Variants in DAB1 observed in about 807,000 individuals in gnomAD.
DAB1 encodes DAB adaptor protein 1, also known as disabled homolog 1.
DAB1 carries 15 observed loss-of-function variants against 64.6 expected under a neutral mutation model. That is an observed-to-expected ratio of 0.23 (90% CI 0.16 to 0.36). The LOEUF (loss-of-function observed/expected upper bound fraction) is 0.36, where lower values mean the gene tolerates loss of function less well. DAB1 is among the 10% of genes least tolerant of loss of function. The pLI is 1.00. For synonymous variants in DAB1, 235 were observed against 251.9 expected, an observed-to-expected ratio of 0.93 and a Z score of 0.64; for missense variants, 596 against 706.7, an observed-to-expected ratio of 0.84 and a Z score of 1.78.
chr1:57,231,935 T>A (rs1667707867), intron 2 of DAB1, among the ~76,000 whole-genome samples: 1 of 152,208 alleles, frequency 6.6e-6, no homozygotes, highest in African/African-American at 2.4e-5. Flanking sequence ...GCTATCTTTT[T>A]GCTGCTTCCC....
chr1:58,037,835 T>A (rs919776036), intron 5 of DAB1, among the ~76,000 whole-genome samples: 1 of 152,168 alleles, frequency 6.6e-6, no homozygotes. Flanking sequence ...GAAAGCTTCC[T>A]AATAGATCAG....
intron 5 of DAB1, among the ~76,000 whole-genome samples, chr1:58,053,033 T>C (rs1237029355): frequency 6.6e-6 from 1 of 152,168 alleles, no homozygotes; most frequent in South Asian, 2.1e-4. Context: ...TGCCAGGCTT[T>C]TTTAAACAAT....
intron 8 of DAB1, among the ~76,000 whole-genome samples, chr1:57,065,218 T>C (rs971472000): frequency 1.3e-5 from 2 of 152,228 alleles, no homozygotes; most frequent in Non-Finnish European, 2.9e-5. Flanking sequence ...CTTGGAAGCC[T>C]CACTTGATTC....
intron 1 of DAB1, among the ~76,000 whole-genome samples, chr1:57,344,673 C>T (rs540759030): frequency 2.2e-4 from 33 of 152,096 alleles, no homozygotes; most frequent in African/African-American, 7.7e-4. Flanking sequence ...TACACTGATA[C>T]ATCTGTGCTC....
At chr1:58,299,334 G>T (rs1374982917) in intron 4 of DAB1, among the ~76,000 whole-genome samples, 1 of 152,164 alleles carries the variant, frequency 6.6e-6, no homozygotes, top group Non-Finnish European at 1.5e-5. Flanking sequence ...GAGGTATGAT[G>T]GTTTACTTCA....
At chr1:57,324,499 G>T (rs946952403) in intron 1 of DAB1, among the ~76,000 whole-genome samples, 19 of 152,300 alleles carry the variant, frequency 1.2e-4, no homozygotes, top group Non-Finnish European at 2.2e-4. Context: ...GGAATTAAAA[G>T]TAGACAGTGT....
chr1:57,594,774 C>A (rs190461029), intron 7 of DAB1, among the ~76,000 whole-genome samples: 1 of 152,024 alleles, frequency 6.6e-6, no homozygotes, highest in Non-Finnish European at 1.5e-5. Flanking sequence ...GCAGTGGCGC[C>A]ATCTCGGCTC....
At chr1:57,740,084 TG>T (rs2101788458) in intron 6 of DAB1, among the ~76,000 whole-genome samples, 1 of 148,256 alleles carries the variant, frequency 6.7e-6, no homozygotes, top group African/African-American at 2.5e-5. Context: ...CGTGGTCGCA[TG>T]CACTTGTAGT....
chr1:57,133,590 C>T (rs1488196922), intron 4 of DAB1, among the ~76,000 whole-genome samples: 1 of 152,174 alleles, frequency 6.6e-6, no homozygotes, highest in Non-Finnish European at 1.5e-5. Flanking sequence ...AAACAAAATT[C>T]ACTCACATAA....
chr1:57,603,518 A>G (rs1168556278), intron 7 of DAB1, among the ~76,000 whole-genome samples: 1 of 152,182 alleles, frequency 6.6e-6, no homozygotes, highest in African/African-American at 2.4e-5. Flanking sequence ...TGATAAATCA[A>G]TTGAGCGGGG....
chr1:57,090,736 C>G (rs1161362446), intron 4 of DAB1, among the ~76,000 whole-genome samples: 1 of 152,074 alleles, frequency 6.6e-6, no homozygotes, highest in African/African-American at 2.4e-5. Context: ...TTTAAGTGTC[C>G]TCTAATTGAA....
chr1:58,541,053 T>C (rs1291075243), intron 1 of DAB1, among the ~76,000 whole-genome samples: 2 of 151,912 alleles, frequency 1.3e-5, no homozygotes, highest in Non-Finnish European at 2.9e-5. Flanking sequence ...CTCACGCCTG[T>C]AATCCCAGCA....
intron 5 of DAB1, among the ~76,000 whole-genome samples, chr1:57,933,646 C>A (rs12047753): frequency 0.019 from 2,894 of 152,270 alleles, 62 homozygotes; most frequent in East Asian, 0.081. Context: ...AACACATGAT[C>A]TATTTCTAGC....
chr1:58,015,712 C>T (rs1291889129), intron 5 of DAB1, among the ~76,000 whole-genome samples: 2 of 152,118 alleles, frequency 1.3e-5, no homozygotes, highest in Admixed American at 6.6e-5. Context: ...AATCTAGTAT[C>T]CACACCTATT....
chr1:57,586,068 G>A (rs933238094), intron 7 of DAB1, among the ~76,000 whole-genome samples: 1 of 152,070 alleles, frequency 6.6e-6, no homozygotes, highest in African/African-American at 2.4e-5. Flanking sequence ...GTTGATCCAA[G>A]GAATGTAAGA....
In DAB1 at chr1:58,443,225, A is replaced by G. The variant is rs556953471; in HGVS notation, n.257+62835T>C. 3.9e-4 allele frequency among the ~76,000 whole-genome samples: 59 copies of G among 152,346 alleles called. 1 individual carries two copies. Among genetic ancestry groups the G allele is most frequent in the African/African-American group, 1.2e-3 (49 of 41,586 alleles). On this transcript the variant is annotated intron_variant and non_coding_transcript_variant, in intron 3 of 20. Coordinates refer to the DAB1 transcript ENST00000485760. ...TTTTCCCTCATACCATGGGTCCAGC[A>G]GATAATTTGTGCTTCTTCCAGTCCA...
At chr1:57,179,332 C>T (rs1382259709) in intron 2 of DAB1, among the ~76,000 whole-genome samples, 2 of 152,172 alleles carry the variant, frequency 1.3e-5, no homozygotes, top group Non-Finnish European at 2.9e-5. Flanking sequence ...TACTAAACAT[C>T]TCCGTGACTG....
chr1:57,374,903 A>C, intron 1 of DAB1, among the ~76,000 whole-genome samples: 1 of 152,180 alleles, frequency 6.6e-6, no homozygotes, highest in East Asian at 1.9e-4. Flanking sequence ...GGAAGGCTGA[A>C]AGTCCCTACC....
intron 7 of DAB1, among the ~76,000 whole-genome samples, chr1:57,556,514 A>G (rs1644990492): frequency 6.6e-6 from 1 of 151,526 alleles, no homozygotes; most frequent in African/African-American, 2.4e-5. Context: ...TTTGATTTGC[A>G]TTTCTCTGCT....
Sources: allele counts gnomAD v4.1 joint callset (sites outside exome capture counted in the v4.1 genomes callset), GRCh38; gene constraint gnomAD v4.1.1; transcripts MANE v1.5; gene names NCBI Gene and HGNC (gene_info 2026-07-23, HGNC 2026-07-21).